DCLK1: variants seen among roughly 807,000 people sequenced by gnomAD.
The protein encoded by DCLK1 is doublecortin like kinase 1, also known as serine/threonine-protein kinase DCLK1.
Under a neutral mutation model 86.2 loss-of-function variants are expected in DCLK1, and 16 were observed. The ratio of observed to expected loss-of-function variants is 0.19; its 90% CI spans 0.13 to 0.28. The LOEUF (loss-of-function observed/expected upper bound fraction) is 0.28, where lower values mean the gene tolerates loss of function less well. Ranked by LOEUF, DCLK1 falls within the 10% of genes least tolerant of loss-of-function variation. The pLI, the probability that DCLK1 is intolerant of heterozygous loss-of-function variation, is 1.00. For synonymous variants in DCLK1, 369 were observed against 370.5 expected (o/e 1.00, Z 0.05); for missense variants, 590 against 940.2 (o/e 0.63, Z 4.87).
At chr13:35,861,862 T>TAA (rs1251216587) in intron 5 of DCLK1, among the ~76,000 whole-genome samples, 12 of 139,286 alleles carry the variant, frequency 8.6e-5, no homozygotes, top group African/African-American at 2.6e-4. Context: ...CCGTCTCTAC[T>TAA]AAAAAAAAAA....
intron 15 of DCLK1, among the ~76,000 whole-genome samples, chr13:35,794,285 G>A (rs572650863): frequency 2.6e-5 from 4 of 152,200 alleles, no homozygotes; most frequent in African/African-American, 9.7e-5. Context: ...CCAGGTCTTA[G>A]CATAGTGCCT....
intron 3 of DCLK1, among the ~76,000 whole-genome samples, chr13:36,013,458 C>T (rs923255550): frequency 2.5e-4 from 38 of 152,142 alleles, no homozygotes; most frequent in African/African-American, 8.0e-4. Flanking sequence ...ACAGGACCCT[C>T]AGCTGCAGGT....
chr13:35,983,991 C>T (rs1219359638), intron 3 of DCLK1, among the ~76,000 whole-genome samples: 1 of 152,174 alleles, frequency 6.6e-6, no homozygotes, highest in Non-Finnish European at 1.5e-5. Flanking sequence ...AACTGCTCAA[C>T]CACTTTGAGC....
chr13:35,918,321 C>G (rs553552623), intron 4 of DCLK1, among the ~76,000 whole-genome samples: 1 of 151,982 alleles, frequency 6.6e-6, no homozygotes, highest in South Asian at 2.1e-4. Flanking sequence ...TAGGTAATAC[C>G]CGGCAGACAG....
intron 3 of DCLK1, among the ~76,000 whole-genome samples, chr13:36,030,463 ATTTT>A (rs139224506): frequency 3.4e-4 from 41 of 119,994 alleles, no homozygotes; most frequent in African/African-American, 3.8e-4. Flanking sequence ...CACCTGGCTA[ATTTT>A]TTTTTTTTTT....
intron 11 of DCLK1, among the ~76,000 whole-genome samples, chr13:35,812,763 G>C (rs901122924): frequency 5.9e-5 from 9 of 152,194 alleles, no homozygotes; most frequent in African/African-American, 2.2e-4. Flanking sequence ...TCAAGTTTGG[G>C]CTGCCCTCTG....
chr13:35,885,356 TAAAC>T (rs898180682), intron 4 of DCLK1, among the ~76,000 whole-genome samples: 7 of 151,602 alleles, frequency 4.6e-5, no homozygotes, highest in African/African-American at 1.7e-4. Flanking sequence ...AATAAATAAA[TAAAC>T]AAATAAAAAT....
At chr13:35,990,666 A>G (rs1010901396) in intron 3 of DCLK1, among the ~76,000 whole-genome samples, 1 of 152,090 alleles carries the variant, frequency 6.6e-6, no homozygotes, top group African/African-American at 2.4e-5. Flanking sequence ...CACAGCACCT[A>G]TGTAGAGTTG....
In DCLK1 at chr13:36,111,999, C is replaced by T. The variant is rs1160789205; in HGVS notation, c.593G>A (p.Arg198Gln). 6.2e-7 allele frequency: 1 copy of T among 1,614,214 alleles called. No individual in the cohort carries two copies. The highest frequency in any genetic ancestry group is 8.5e-7 in the Non-Finnish European group (1 of 1,180,054). Residue 198 changes from arginine to glutamine, a missense_variant, in exon 3 of 17, where the codon CGG becomes CAG. By Grantham distance (43) the Arg-to-Gln change is conservative. Transcript: ENST00000360631. ...GTTCAGCAGAATCCTGACAGCTTTC[C>T]GTGGCTTCACGCCACTTCTGATGAT... The part of the protein sequence containing the change: ...VTIIRSGVKP[R>Q]KAVRILLNKK...
chr13:35,864,571 A>C (rs1293317471), intron 5 of DCLK1, among the ~76,000 whole-genome samples: 3 of 73,266 alleles, frequency 4.1e-5, no homozygotes, highest in Admixed American at 1.6e-4. Flanking sequence ...TCTCAAAAAA[A>C]AAAAAAAAAA....
intron 3 of DCLK1, among the ~76,000 whole-genome samples, chr13:36,074,468 C>CAAAAAAA: frequency 1.3e-5 from 1 of 79,322 alleles, no homozygotes; most frequent in Admixed American, 1.5e-4. Flanking sequence ...GACTCCGTCT[C>CAAAAAAA]AAAAAAAAAA....
intron 6 of DCLK1, chr13:35,847,405 TAC>T (rs989749593): frequency 7.1e-5 from 70 of 985,042 alleles, no homozygotes; most frequent in Admixed American, 1.2e-4. Flanking sequence ...TGATGGTTTA[TAC>T]ACATACACAG....
intron 4 of DCLK1, among the ~76,000 whole-genome samples, chr13:35,923,108 C>T (rs1259169790): frequency 2.0e-5 from 3 of 152,082 alleles, no homozygotes; most frequent in Non-Finnish European, 2.9e-5. Context: ...GTGAACAGGT[C>T]GACCAGCCAG....
Position 35,774,432 on chromosome 13 carries a change from T to C in DCLK1, c.*103A>G, listed in dbSNP as rs1457888518. On this transcript the variant is annotated 3_prime_UTR_variant, in exon 17 of 17. Transcript: ENST00000360631. ...ACTTTCAGTTCTGCCATTCAAGCAT[T>C]GAGCGCTAGATAGATCAGATGAAAC... The C allele has an allele frequency of 1.3e-5, 18 of 1,340,872 alleles. No individual in the cohort carries two copies. The highest frequency in any genetic ancestry group is 1.5e-5 in the Non-Finnish European group (15 of 991,560). The allele number at this position is 1,340,872 out of a possible 1,614,324, so 83.1% of individuals were successfully genotyped here. A position where few individuals can be genotyped will look rare whatever the true frequency, so the allele number is the denominator to read the frequency against.
intron 3 of DCLK1, among the ~76,000 whole-genome samples, chr13:36,089,648 C>A (rs965839458): frequency 5.3e-5 from 8 of 152,200 alleles, no homozygotes; most frequent in African/African-American, 1.9e-4. Context: ...ATACAACAGG[C>A]AGTTCTGGTC....
At chr13:36,019,575 C>T (rs1881683065) in intron 3 of DCLK1, among the ~76,000 whole-genome samples, 1 of 152,172 alleles carries the variant, frequency 6.6e-6, no homozygotes, top group African/African-American at 2.4e-5. Context: ...TTCTTCATAT[C>T]CCTGAAGCTT....
intron 3 of DCLK1, among the ~76,000 whole-genome samples, chr13:36,076,572 C>T (rs1884221294): frequency 6.6e-6 from 1 of 152,166 alleles, no homozygotes; most frequent in Non-Finnish European, 1.5e-5. Flanking sequence ...AGCAGAAGAA[C>T]TTTTCAAAAC....
At chr13:36,038,246 G>A (rs1837054680) in intron 3 of DCLK1, among the ~76,000 whole-genome samples, 1 of 152,162 alleles carries the variant, frequency 6.6e-6, no homozygotes, top group Admixed American at 6.5e-5. Flanking sequence ...GAATGAAGAG[G>A]CAGGACAGGT....
intron 4 of DCLK1, among the ~76,000 whole-genome samples, chr13:35,946,924 T>C (rs562374244): frequency 1.3e-5 from 2 of 152,208 alleles, no homozygotes; most frequent in East Asian, 1.9e-4. Context: ...TTCTACAGTA[T>C]TTAAAGGAAA....
Sources: allele counts gnomAD v4.1 joint callset (sites outside exome capture counted in the v4.1 genomes callset), GRCh38; gene constraint gnomAD v4.1.1; transcripts MANE v1.5; gene names NCBI Gene and HGNC (gene_info 2026-07-23, HGNC 2026-07-21).